The following SLC39A14 variants were observed in gnomAD, a reference collection of about 807,000 sequenced individuals.
SLC39A14 encodes metal cation symporter ZIP14.
A neutral mutation model predicts 45.5 loss-of-function variants in SLC39A14; 19 were observed. The ratio of observed to expected loss-of-function variants is 0.42; its 90% CI spans 0.29 to 0.61. The LOEUF (loss-of-function observed/expected upper bound fraction) is 0.61. Among genes scored for constraint, SLC39A14 ranks in the 20% least tolerant of loss-of-function variants. The probability of loss-of-function intolerance (pLI) is 0.22; values close to 1 mark genes in which losing one functional copy is unlikely to be tolerated. For missense variants in SLC39A14, 447 were observed against 616.5 expected (o/e 0.73, Z 2.91); for synonymous variants, 264 against 251.3 (o/e 1.05, Z -0.48).
chr8:22,389,126 T>C (rs1180766256), intron 1 of SLC39A14, among the ~76,000 whole-genome samples: 1 of 152,174 alleles, frequency 6.6e-6, no homozygotes, highest in Non-Finnish European at 1.5e-5. Flanking sequence ...TGGCTCTGCC[T>C]GTGAGACCGG....
In SLC39A14 at chr8:22,415,960, C is replaced by A; in HGVS notation, c.939+3C>A. 1 of 1,601,452 alleles carries A rather than the reference C, an allele frequency of 6.2e-7. No homozygotes were observed. The highest frequency in any genetic ancestry group is 8.5e-7 in the Non-Finnish European group (1 of 1,171,612). ...TTGTGGGCTCGCTCTCTGTGCAGGT[C>A]AGTGGGCCACCAGCTGCTTGGTGGA... On this transcript the variant is annotated splice_donor_region_variant and intron_variant, in intron 6 of 8. Transcript: ENST00000381237.
At chr8:22,385,051 AAAAAAAACAC>A (rs1381619295) in intron 1 of SLC39A14, among the ~76,000 whole-genome samples, 1 of 151,292 alleles carries the variant, frequency 6.6e-6, no homozygotes, top group African/African-American at 2.5e-5. Flanking sequence ...CTCCTGTCTC[AAAAAAAACAC>A]AAAAAAACAA....
downstream of SLC39A14, among the ~76,000 whole-genome samples, chr8:22,422,980 C>T (rs1195599848): frequency 1.3e-5 from 2 of 151,468 alleles, no homozygotes; most frequent in African/African-American, 2.4e-5. Flanking sequence ...CCCGCCACCA[C>T]GCCTGGCTAA....
intron 2 of SLC39A14, among the ~76,000 whole-genome samples, chr8:22,405,466 T>C (rs1284666614): frequency 6.6e-6 from 1 of 152,040 alleles, no homozygotes; most frequent in Admixed American, 6.5e-5. Flanking sequence ...TGAGCCAAGA[T>C]CGAGCCATTG....
At chr8:22,398,325 C>T (rs927765317) in intron 1 of SLC39A14, 1 of 152,316 alleles carries the variant, frequency 6.6e-6, no homozygotes, top group Non-Finnish European at 1.5e-5. Context: ...AGAGCCCCAC[C>T]CTGGCGAAGT....
intron 1 of SLC39A14, among the ~76,000 whole-genome samples, chr8:22,394,619 G>A (rs1031011605): frequency 5.3e-5 from 8 of 151,970 alleles, no homozygotes; most frequent in African/African-American, 1.4e-4. Flanking sequence ...GTGCCCGGCC[G>A]ATTTTTTATT....
rs1586763056 is a variant in SLC39A14 at position 22,428,341 on chromosome 8, A to G, written c.1333-5550A>G. Among the ~76,000 whole-genome samples the G allele has an allele frequency of 2.0e-5, 3 of 152,092 alleles. No homozygotes were observed. The East Asian group carries it at 5.8e-4, about 29-fold the overall frequency. On this transcript the variant is annotated intron_variant, in intron 8 of 8. Transcript: ENST00000240095. Reference sequence around the variant, plus strand: ...AAATCTAAACAGAGATCTCAATATCATCTTTATCTGGCTTTAAGGTATATT... The same window carrying G: ...AAATCTAAACAGAGATCTCAATATCGTCTTTATCTGGCTTTAAGGTATATT...
rs1034284865 is a variant in SLC39A14 at position 22,408,456 on chromosome 8, G to T, written c.417G>T (p.Glu139Asp). ...ACTSENQENE[E>D]NEQTEEGRPS... The stretch of plus-strand genomic sequence containing the variant: ...CCTCGGAGAACCAGGAAAACGAGGA[G>T]AATGAGCAGACGGAGGAGGGGCGGC... Residue 139 changes from glutamate to aspartate, a missense_variant, in exon 3 of 9, where the codon GAG (glutamate) becomes GAT (aspartate). This residue lies in a region of SLC39A14 where 342 missense variants were observed against 428.1 expected (regional missense o/e 0.80). Transcript: ENST00000381237. The T allele has an allele frequency of 5.6e-6, 9 of 1,614,072 alleles. No individual in the cohort carries two copies. The highest frequency in any genetic ancestry group is 6.8e-6 in the Non-Finnish European group (8 of 1,180,054).
At position 22,419,592 on chromosome 8, in the gene SLC39A14, A is replaced by C. The variant is rs1336001642; in HGVS notation, c.1373A>C (p.Lys458Thr). 5 of 1,614,164 alleles carry C rather than the reference A, an allele frequency of 3.1e-6. No homozygotes were observed. The highest frequency in any genetic ancestry group is 4.2e-6 in the Non-Finnish European group (5 of 1,180,016). Residue 458 changes from lysine (K) to threonine (T), a missense_variant, in exon 9 of 9, where the codon AAG (lysine) becomes ACG (threonine). Lys to Thr is a moderately conservative substitution (Grantham distance 78). Around this residue, in one of 2 missense-constraint regions of SLC39A14, gnomAD observed 105 missense variants for 188.4 expected, o/e 0.56. Transcript: ENST00000381237. Reference sequence around the variant, plus strand: ...GAGGTCTGTCAAGAGGATGAAAGGAAGGGCAGCATCTTGATTCCATTTATC... The same window carrying C: ...GAGGTCTGTCAAGAGGATGAAAGGACGGGCAGCATCTTGATTCCATTTATC... Reference protein sequence around the residue: ...MNEVCQEDERKGSILIPFIIQ... With the variant: ...MNEVCQEDERTGSILIPFIIQ...
In SLC39A14 at chr8:22,411,619, C is replaced by G. The variant is rs549815300; in HGVS notation, c.458-418C>G. 3.3e-5 allele frequency among the ~76,000 whole-genome samples: 5 copies of G among 152,264 alleles called. No individual in the cohort carries two copies. The East Asian group carries it at 9.7e-4, about 29-fold the overall frequency. On this transcript the variant is annotated intron_variant, in intron 3 of 8. Transcript: ENST00000381237. ...TTGCATGTCCTATAAAGAGAGCCCT[C>G]GAGTCCAAAGTCTGTCCTGGACAGC...
intron 8 of SLC39A14, among the ~76,000 whole-genome samples, chr8:22,428,311 A>G (rs144900986): frequency 9.4e-4 from 143 of 152,246 alleles, no homozygotes; most frequent in African/African-American, 3.1e-3. Flanking sequence ...AATAAAATAA[A>G]ATAAAAATCT....
intron 1 of SLC39A14, among the ~76,000 whole-genome samples, chr8:22,400,638 C>T (rs148627750): frequency 5.9e-4 from 90 of 152,144 alleles, no homozygotes; most frequent in Non-Finnish European, 1.8e-4. Context: ...TGGCTGATGC[C>T]GAATCCATCC....
chr8:22,384,866 A>G (rs540140753), intron 1 of SLC39A14, among the ~76,000 whole-genome samples: 1 of 152,208 alleles, frequency 6.6e-6, no homozygotes, highest in African/African-American at 2.4e-5. Flanking sequence ...CGTCACCAAC[A>G]AGGTGAAACC....
intron 1 of SLC39A14, among the ~76,000 whole-genome samples, chr8:22,368,912 C>CG (rs1832789554): frequency 6.6e-6 from 1 of 152,112 alleles, no homozygotes; most frequent in African/African-American, 2.4e-5. Context: ...GCATATCCCC[C>CG]GGGACGCAGC....
downstream of SLC39A14, among the ~76,000 whole-genome samples, chr8:22,424,858 A>G (rs191494664): frequency 6.6e-6 from 1 of 151,900 alleles, no homozygotes; most frequent in African/African-American, 2.4e-5. Context: ...GTGAAACCCT[A>G]TCTCTACTAA....
At chr8:22,384,906 C>T (rs1306276451) in intron 1 of SLC39A14, among the ~76,000 whole-genome samples, 1 of 151,820 alleles carries the variant, frequency 6.6e-6, no homozygotes, top group Non-Finnish European at 1.5e-5. Context: ...AAAAATTAGC[C>T]TGGCATGGTA....
chr8:22,374,501 G>A (rs1206571203), intron 1 of SLC39A14, among the ~76,000 whole-genome samples: 14 of 152,076 alleles, frequency 9.2e-5, no homozygotes, highest in African/African-American at 1.2e-4. Flanking sequence ...GCTAGGAAGC[G>A]GGAGAGAGAG....
intron 3 of SLC39A14, among the ~76,000 whole-genome samples, chr8:22,409,368 G>GGTTTTTTTT (rs1218175292): frequency 3.4e-5 from 5 of 147,056 alleles, no homozygotes; most frequent in African/African-American, 1.2e-4. Context: ...TTACTTGTAT[G>GGTTTTTTTT]GCTTTTTTTG....
chr8:22,389,261 G>C (rs1207534327), intron 1 of SLC39A14, among the ~76,000 whole-genome samples: 1 of 152,210 alleles, frequency 6.6e-6, no homozygotes, highest in Non-Finnish European at 1.5e-5. Context: ...TGCACTTCCA[G>C]CTAGTTCCCA....
Sources: gnomAD v4.1 joint callset for allele counts (sites outside exome capture counted in the v4.1 genomes callset) on GRCh38, gnomAD v4.1.1 for gene constraint, gnomAD v4.1.1 regional missense constraint, MANE v1.5 for transcripts, NCBI Gene and HGNC (gene_info 2026-07-23, HGNC 2026-07-21) for gene names.